The following BCL9 variants were observed in gnomAD, a reference collection of about 807,000 sequenced individuals.
BCL9 encodes B-cell CLL/lymphoma 9 protein.
In BCL9, 25 loss-of-function variants were observed where a neutral mutation model predicts 88.5. The observed-to-expected ratio is 0.28, with a 90% CI of 0.21 to 0.39. The LOEUF (loss-of-function observed/expected upper bound fraction) is 0.39. Ranked by LOEUF, BCL9 falls within the 10% of genes least tolerant of loss-of-function variation. The pLI, the probability that BCL9 is intolerant of heterozygous loss-of-function variation, is 1.00. For synonymous variants in BCL9, 711 were observed against 673.3 expected, an observed-to-expected ratio of 1.06 and a Z score of -0.87; for missense variants, 1,817 against 1,877.8, an observed-to-expected ratio of 0.97 and a Z score of 0.60.
chr1:147,548,994 T>TTG (rs1391778324), intron 1 of BCL9, among the ~76,000 whole-genome samples: 1 of 149,486 alleles, frequency 6.7e-6, no homozygotes, highest in Non-Finnish European at 1.5e-5. Context: ...TTTTTTTTTT[T>TTG]TTGACTGAGT....
rs937826241 is a variant in BCL9 at position 147,612,992 on chromosome 1, T to C, written c.163T>C (p.Ser55Pro). ...CTCCAATCAGGGTAAACAGGGGGGC[T>C]CAGCCAGCCAATCCCAGCCATCCCC... ...KFSNQGKQGG[S>P]ASQSQPSPCD... is the part of the protein sequence containing the mutation. Residue 55 changes from serine (S) to proline (P), a missense_variant, in exon 5 of 10, where the codon TCA becomes CCA. Ser to Pro is a moderately conservative substitution (Grantham distance 74, BLOSUM62 -1). Transcript: ENST00000234739. 1.9e-6 allele frequency: 3 copies of C among 1,608,272 alleles called. No homozygotes were observed. The highest frequency in any genetic ancestry group is 2.2e-5 in the East Asian group (1 of 44,844).
At position 147,619,507 on chromosome 1, in the gene BCL9, A is replaced by T. The variant is rs1553204630; in HGVS notation, c.1352A>T (p.Asn451Ile). The T allele has an allele frequency of 6.2e-7, 1 of 1,614,024 alleles. No individual in the cohort carries two copies. Among genetic ancestry groups the T allele is most frequent in the Admixed American group, 1.7e-5 (1 of 60,020 alleles). The change falls in exon 8 of 10, where the codon AAC becomes ATC. Residue 451 changes from asparagine to isoleucine, a missense_variant. Asn to Ile is a moderately radical substitution (Grantham distance 149). Around this residue, in one of 2 missense-constraint regions of BCL9, gnomAD observed 1,228 missense variants for 1,191.6 expected, o/e 1.03. Coordinates refer to ENST00000234739, the MANE Select transcript of BCL9 (RefSeq NM_004326.4). The surrounding 1 kb of genome is among the most constrained non-coding windows in gnomAD (Gnocchi z 4.1). ...GATGAAATGGTTCCACCTTCTATGA[A>T]CTCCCAGTCTGGGACCATAGGACCC... ...SPDEMVPPSM[N>I]SQSGTIGPDH...
In BCL9 at chr1:147,619,836, C is replaced by G. The variant is rs375006061; in HGVS notation, c.1681C>G (p.Arg561Gly). 10 of 1,614,140 alleles carry G rather than the reference C, an allele frequency of 6.2e-6. No individual in the cohort carries two copies. The highest frequency in any genetic ancestry group is 1.7e-5 in the Admixed American group (1 of 60,028). Residue 561 changes from arginine to glycine, a missense_variant, in exon 8 of 10, where the codon CGC (arginine) becomes GGC (glycine). This residue lies in a region of BCL9 where 1,228 missense variants were observed against 1,191.6 expected (regional missense o/e 1.03). Transcript: ENST00000234739. This position sits in a 1 kb window ranked among gnomAD's most constrained non-coding sequence, Gnocchi z 4.1. ...CCCCAACATGCCAGGGAGCCAGATG[C>G]GCCTCCCTGGATTTGCAGGCATGAT... The part of the protein sequence containing the change: ...PHPNMPGSQM[R>G]LPGFAGMINS...
intron 1 of BCL9, among the ~76,000 whole-genome samples, chr1:147,590,871 G>A (rs770021857): frequency 5.7e-4 from 87 of 152,332 alleles, no homozygotes; most frequent in Non-Finnish European, 1.1e-3. Context: ...TATGATGGGA[G>A]CTATCTACTA....
intron 1 of BCL9, among the ~76,000 whole-genome samples, chr1:147,551,689 T>G (rs1008138563): frequency 4.6e-5 from 7 of 152,176 alleles, no homozygotes; most frequent in Admixed American, 1.3e-4. Flanking sequence ...GCCCCCATTT[T>G]CCCTCTGCCA....
intron 1 of BCL9, among the ~76,000 whole-genome samples, chr1:147,582,374 T>C (rs1318367351): frequency 5.9e-5 from 9 of 152,242 alleles, no homozygotes; most frequent in Non-Finnish European, 1.3e-4. Flanking sequence ...CAGGGAATTA[T>C]TAAGGCAATT....
rs782034934 is a variant in BCL9, at chr1:147,622,445, A to G, written c.3077A>G (p.His1026Arg). The G allele has an allele frequency of 3.7e-6, 6 of 1,614,040 alleles. No homozygotes were observed. Among genetic ancestry groups the G allele is most frequent in the Non-Finnish European group, 5.1e-6 (6 of 1,180,044 alleles). ...FAMPSSTPLY[H>R]DAIKTVASSD... is the part of the protein sequence containing the mutation. ...ATGCCCAGTTCCACCCCGTTATACC[A>G]TGATGCTATCAAGACTGTGGCCAGC... The change falls in exon 9 of 10, where the codon CAT becomes CGT. Residue 1026 changes from histidine to arginine, a missense_variant. Coordinates refer to ENST00000234739, the MANE Select transcript of BCL9 (RefSeq NM_004326.4).
chr1:147,545,494 C>T (rs782625729), intron 1 of BCL9, among the ~76,000 whole-genome samples: 3 of 152,086 alleles, frequency 2.0e-5, no homozygotes, highest in Non-Finnish European at 4.4e-5. Flanking sequence ...AACTGGAGAG[C>T]CAGACAGCAG....
chr1:147,621,163 A>C (rs1658619171), intron 8 of BCL9, 106 bp downstream of exon 8: 2 of 1,262,800 alleles, frequency 1.6e-6, no homozygotes, highest in Non-Finnish European at 2.2e-6. Context: ...CAGAGGAGGC[A>C]GTCTTTGTTG....
intron 1 of BCL9, among the ~76,000 whole-genome samples, chr1:147,569,706 T>C (rs1208268745): frequency 1.3e-5 from 2 of 151,980 alleles, no homozygotes; most frequent in Non-Finnish European, 2.9e-5. Flanking sequence ...TACTTTGGAA[T>C]AGAGCAAGAC....
At position 147,624,464 on chromosome 1, in the gene BCL9, G is replaced by A; in HGVS notation, c.3786G>A (p.Gln1262=). Reference sequence around the variant, plus strand: ...GAGGGGAAGTTCCAGGCCGTAAACAGCCCCAGGGTCCTGGACCTGGGTTTT... The same window carrying A: ...GAGGGGAAGTTCCAGGCCGTAAACAACCCCAGGGTCCTGGACCTGGGTTTT... ...FPRGEVPGRK[Q]PQGPGPGFSH... is the part of the protein sequence containing the mutation. The change falls in exon 10 of 10, where the codon CAG becomes CAA. Residue 1262 remains glutamine (Q), a synonymous_variant. Coordinates refer to ENST00000234739, the MANE Select transcript of BCL9 (RefSeq NM_004326.4). This position sits in a 1 kb window ranked among gnomAD's most constrained non-coding sequence, Gnocchi z 4.4. 1.2e-6 allele frequency: 2 copies of A among 1,614,192 alleles called. No individual in the cohort carries two copies. Among genetic ancestry groups the A allele is most frequent in the Non-Finnish European group, 1.7e-6 (2 of 1,180,034 alleles).
chr1:147,587,024 T>C (rs1004521194), intron 1 of BCL9, among the ~76,000 whole-genome samples: 32 of 147,780 alleles, frequency 2.2e-4, no homozygotes, highest in African/African-American at 7.2e-4. Context: ...TTCTCTCTCT[T>C]TCTCTCTCTC....
At position 147,620,824 on chromosome 1, in the gene BCL9, C is replaced by T. The variant is rs1413447106; in HGVS notation, c.2669C>T (p.Ser890Leu). Residue 890 changes from serine to leucine, a missense_variant, in exon 8 of 10, where the codon TCG (serine) becomes TTG (leucine). Physicochemically the swap from Ser to Leu is moderately radical, Grantham distance 145. Transcript: ENST00000234739. ...SGNLKSPQTP[S>L]QLAGMLAGPA... ...AACCTCAAGTCCCCCCAGACTCCAT[C>T]GCAGCTGGCAGGCATGCTGGCGGGC... 6.8e-6 allele frequency: 11 copies of T among 1,614,048 alleles called. No individual in the cohort carries two copies. The highest frequency in any genetic ancestry group is 2.7e-5 in the African/African-American group (2 of 74,920).
chr1:147,616,654 C>T (rs1452528874), intron 7 of BCL9, among the ~76,000 whole-genome samples: 1 of 151,932 alleles, frequency 6.6e-6, no homozygotes, highest in African/African-American at 2.4e-5. Context: ...GTAGTCCAAG[C>T]TACTTGGGAG....
At chr1:147,590,332 A>T (rs1224038093) in intron 1 of BCL9, among the ~76,000 whole-genome samples, 2 of 152,240 alleles carry the variant, frequency 1.3e-5, no homozygotes, top group Non-Finnish European at 2.9e-5. Flanking sequence ...CTGCGGAAGT[A>T]AGCTGCTACA....
At chr1:147,551,581 G>T (rs782031080) in intron 1 of BCL9, among the ~76,000 whole-genome samples, 1 of 152,188 alleles carries the variant, frequency 6.6e-6, no homozygotes, top group Non-Finnish European at 1.5e-5. Context: ...GAGGCGGAGA[G>T]GTCATAAGGG....
intron 1 of BCL9, among the ~76,000 whole-genome samples, chr1:147,571,672 A>T (rs1325711880): frequency 6.6e-6 from 1 of 152,140 alleles, no homozygotes; most frequent in Non-Finnish European, 1.5e-5. Context: ...AATCAGAGAG[A>T]GGAAATGGCC....
chr1:147,614,754 T>TC, intron 6 of BCL9, 138 bp downstream of exon 6: 1 of 935,908 alleles, frequency 1.1e-6, no homozygotes, highest in Admixed American at 3.5e-5. Flanking sequence ...CAACCCAAAC[T>TC]CCCCCAGAGG....
intron 1 of BCL9, among the ~76,000 whole-genome samples, chr1:147,559,264 A>C (rs1007582961): frequency 1.3e-5 from 2 of 151,922 alleles, no homozygotes; most frequent in African/African-American, 4.8e-5. Context: ...TAGCCAAATC[A>C]TTGCTATCTA....
Sources: allele counts gnomAD v4.1 joint callset (sites outside exome capture counted in the v4.1 genomes callset), GRCh38; gene constraint gnomAD v4.1.1; regional missense constraint gnomAD v4.1.1; non-coding constraint Gnocchi (gnomAD v3.1); transcripts MANE v1.5; gene names NCBI Gene and HGNC (gene_info 2026-07-23, HGNC 2026-07-21).